Variants in SUN1 observed in about 807,000 individuals in gnomAD.
The protein encoded by SUN1 is Sad1 and UNC84 domain containing 1, also known as SUN domain-containing protein 1.
In SUN1, 61 loss-of-function variants were observed where a neutral mutation model predicts 103.2. The observed-to-expected ratio is 0.59, with a 90% CI of 0.48 to 0.73. The LOEUF is 0.73. Ranked by LOEUF, SUN1 falls within the 30% of genes least tolerant of loss-of-function variation. The pLI, the probability that SUN1 is intolerant of heterozygous loss-of-function variation, is 0.00. For missense variants in SUN1, 1,052 were observed against 1,034.6 expected (o/e 1.02, Z -0.23); for synonymous variants, 490 against 425.7 (o/e 1.15, Z -1.86).
chr7:838,521 C>T (rs1407065408), intron 1 of SUN1, among the ~76,000 whole-genome samples: 2 of 152,106 alleles, frequency 1.3e-5, no homozygotes, highest in East Asian at 3.9e-4. Context: ...TGCCCTCAAG[C>T]AGTTCTTAGG....
chr7:864,659 C>G (rs1011514745), intron 15 of SUN1, among the ~76,000 whole-genome samples: 17 of 62,522 alleles, frequency 2.7e-4, no homozygotes, highest in African/African-American at 8.0e-4. Flanking sequence ...CAAAGAGTCT[C>G]GCTCTGTCGC....
At chr7:830,872 C>T (rs893456156), upstream of SUN1, 8 of 870,720 alleles carry the variant, frequency 9.2e-6, no homozygotes, top group Non-Finnish European at 1.1e-5. Context: ...CTCGGCAGTG[C>T]AGGCAGAGCC....
chr7:869,212 C>A, intron 16 of SUN1, 137 bp from the exon 17 acceptor site: 1 of 1,050,824 alleles, frequency 9.5e-7, no homozygotes, highest in East Asian at 2.5e-5. Context: ...CCCAGCTTAT[C>A]TTCGGATTTT....
At chr7:828,345 C>A (rs750478386), upstream of SUN1, among the ~76,000 whole-genome samples, 1 of 151,908 alleles carries the variant, frequency 6.6e-6, no homozygotes, top group Non-Finnish European at 1.5e-5. Flanking sequence ...TGTGTTGGCT[C>A]ACTGCAACCT....
intron 1 of SUN1, 109 bp from the exon 2 acceptor site, chr7:838,689 G>A: frequency 8.8e-7 from 1 of 1,137,986 alleles, no homozygotes; most frequent in South Asian, 1.8e-5. Context: ...AGTAATAGTT[G>A]CTCTTGAAAA....
chr7:850,545 T>C (rs1820895844), intron 5 of SUN1: 1 of 154,742 alleles, frequency 6.5e-6, no homozygotes. Flanking sequence ...CCATTGATTT[T>C]TCTTTTAAAT....
chr7:872,992 C>A (rs528952236), intron 18 of SUN1, among the ~76,000 whole-genome samples: 1 of 152,330 alleles, frequency 6.6e-6, no homozygotes, highest in South Asian at 2.1e-4. Context: ...GAGGCTGAGG[C>A]AGGAGAATCG....
chr7:872,319 G>A lies in SUN1; in HGVS notation c.2149-151G>A, dbSNP rs115462803. On this transcript the variant is annotated intron_variant, in intron 17 of 18. Transcript: ENST00000401592. ...AACACACCCCTTCCTTCCAGGGAAGGCCTCGTGACTGCCATGGAGGAATGA... is the reference window on the plus strand; with the variant it reads ...AACACACCCCTTCCTTCCAGGGAAGACCTCGTGACTGCCATGGAGGAATGA... The A allele has an allele frequency of 7.7e-3, 4,957 of 644,862 alleles. 190 individuals carry two copies. The African/African-American group carries it at 0.08, about 10-fold the overall frequency. The allele number at this position is 644,862 out of a possible 1,614,324, so 39.9% of individuals were successfully genotyped here.
intron 15 of SUN1, among the ~76,000 whole-genome samples, chr7:862,153 G>A (rs1832736550): frequency 6.6e-6 from 1 of 152,212 alleles, no homozygotes; most frequent in Non-Finnish European, 1.5e-5. Context: ...CACCTGTTAT[G>A]GAAATCAAAA....
At position 860,736 on chromosome 7, in the gene SUN1, A is replaced by G. The variant is rs190066156; in HGVS notation, c.1779+354A>G. Among the ~76,000 whole-genome samples the G allele has an allele frequency of 6.6e-5, 10 of 152,342 alleles. No homozygotes were observed. In the East Asian group the frequency reaches 1.3e-3, roughly 21 times the overall value. On this transcript the variant is annotated intron_variant, in intron 14 of 18. Coordinates refer to ENST00000401592, the MANE Select transcript of SUN1 (RefSeq NM_001130965.3). The stretch of plus-strand genomic sequence containing the variant: ...TATTAGTCTGTTCTCATGCTGGGCA[A>G]TTTAGAAAGGATCATTGACTCACAG...
At chr7:819,764 A>T (rs1161455586) in intron 1 of SUN1, among the ~76,000 whole-genome samples, 3 of 142,656 alleles carry the variant, frequency 2.1e-5, no homozygotes, top group African/African-American at 8.0e-5. Flanking sequence ...GCTGGAGTGC[A>T]GTGGCGTGAT....
At chr7:869,870 C>G (rs7797909) in intron 17 of SUN1, among the ~76,000 whole-genome samples, 94,084 of 151,836 alleles carry the variant, frequency 0.62, 29,494 homozygotes, top group East Asian at 0.81. Flanking sequence ...CCCAGAGAAA[C>G]CCACCATTCA....
In SUN1 at chr7:843,322, T is replaced by C. The variant is rs780899223; in HGVS notation, c.479-19T>C. On this transcript the variant is annotated intron_variant, in intron 4 of 18. Transcript: ENST00000401592. ...CAGACTGTGATAAACAGGTTCCATC[T>C]ACTGTTTGAAAACTTTAGGTGGAAA... is the stretch of plus-strand genomic sequence containing the variant. The C allele has an allele frequency of 6.2e-7, 1 of 1,604,368 alleles. No homozygotes were observed. The highest frequency in any genetic ancestry group is 8.5e-7 in the Non-Finnish European group (1 of 1,176,526).
chr7:865,899 G>T (rs1451013333), intron 15 of SUN1, 53 bp from the exon 16 acceptor site: 26 of 1,474,522 alleles, frequency 1.8e-5, no homozygotes, highest in Non-Finnish European at 2.3e-5. Flanking sequence ...CAGTACTATT[G>T]CTTCCAAAAT....
At chr7:823,053 C>T (rs1787873263) in intron 1 of SUN1, among the ~76,000 whole-genome samples, 1 of 152,204 alleles carries the variant, frequency 6.6e-6, no homozygotes, top group Admixed American at 6.5e-5. Context: ...TTTTCCGGAG[C>T]GTAGTCAGGT....
intron 5 of SUN1, chr7:849,925 G>A (rs200245333): frequency 3.9e-4 from 619 of 1,594,770 alleles, no homozygotes; most frequent in Non-Finnish European, 4.9e-4. Context: ...ACCTGCAGGC[G>A]ACGACTGTAA....
At chr7:830,958 A>T, upstream of SUN1, 1 of 985,496 alleles carries the variant, frequency 1.0e-6, no homozygotes, top group Non-Finnish European at 1.2e-6. Context: ...TCAGGAGCCC[A>T]GGCATGGTGT....
At chr7:843,062 A>G in intron 3 of SUN1, 144 bp from the exon 4 acceptor site, 1 of 1,208,660 alleles carries the variant, frequency 8.3e-7, no homozygotes, top group Non-Finnish European at 1.2e-6. Flanking sequence ...ATCTGGAGGC[A>G]TTTTAGGAAA....
At chr7:816,061 C>T (rs1780297309), upstream of SUN1, 2 of 227,340 alleles carry the variant, frequency 8.8e-6, no homozygotes, top group South Asian at 8.1e-5. Flanking sequence ...AAACCTCTCC[C>T]CAAGATGCGG....
Sources: allele counts gnomAD v4.1 joint callset (sites outside exome capture counted in the v4.1 genomes callset), GRCh38; gene constraint gnomAD v4.1.1; transcripts MANE v1.5; gene names NCBI Gene and HGNC (gene_info 2026-07-23, HGNC 2026-07-21).